The following DNAH17 variants were observed in gnomAD, a reference collection of about 807,000 sequenced individuals.
The protein encoded by DNAH17 is dynein axonemal heavy chain 17.
A neutral mutation model predicts 485.6 loss-of-function variants in DNAH17; 376 were observed. The observed-to-expected ratio is 0.77, with a 90% CI of 0.71 to 0.84. The LOEUF (loss-of-function observed/expected upper bound fraction) is 0.84, where lower values mean the gene tolerates loss of function less well. Among genes scored for constraint, DNAH17 ranks in the 40% least tolerant of loss-of-function variants. The pLI is 0.00. For synonymous variants in DNAH17, 3,031 were observed against 2,405.9 expected, an observed-to-expected ratio of 1.26 and a Z score of -7.60; for missense variants, 6,370 against 5,839.3, an observed-to-expected ratio of 1.09 and a Z score of -2.96.
chr17:78,424,268 A>G, intron 80 of DNAH17, 115 bp from the exon 81 acceptor site: 1 of 1,346,962 alleles, frequency 7.4e-7, no homozygotes, highest in Non-Finnish European at 9.9e-7. Context: ...GCTCTACCCC[A>G]AAAGGCTTCA....
intron 69 of DNAH17, 96 bp from the exon 70 acceptor site, chr17:78,445,776 C>A (rs1036686627): frequency 5.7e-6 from 8 of 1,404,818 alleles, no homozygotes; most frequent in Admixed American, 4.4e-5. Flanking sequence ...TTCACACTCC[C>A]GGCCTGCAGG....
At chr17:78,501,903 C>T (rs1384451740) in intron 33 of DNAH17, 30 bp from the exon 34 acceptor site, 6 of 1,612,498 alleles carry the variant, frequency 3.7e-6, no homozygotes, top group Non-Finnish European at 4.2e-6. Flanking sequence ...CGATGAGACA[C>T]CACGGGTGCC....
intron 68 of DNAH17, chr17:78,449,960 G>A: frequency 2.0e-6 from 1 of 489,456 alleles, no homozygotes; most frequent in Non-Finnish European, 3.7e-6. Flanking sequence ...ACAGGCATGA[G>A]CCACCATGCC....
intron 48 of DNAH17, 129 bp downstream of exon 48, chr17:78,484,739 A>ACCCCCCTGCCCCCCCCCCCCCCCCCCC: frequency 1.7e-5 from 6 of 347,794 alleles, no homozygotes; most frequent in South Asian, 1.3e-4. Flanking sequence ...ACGTTGCAGC[A>ACCCCCCTGCCCCCCCCCCCCCCCCCCC]CCCCCCCCAC....
At chr17:78,470,813 T>TG (rs1367701911) in intron 54 of DNAH17, among the ~76,000 whole-genome samples, 2 of 152,208 alleles carry the variant, frequency 1.3e-5, no homozygotes, top group African/African-American at 4.8e-5. Context: ...ATAAATATAC[T>TG]GCAGGCTTGG....
rs778379360 is a variant in DNAH17 at position 78,507,638 on chromosome 17, G to A, written c.4404C>T (p.Phe1468=). ...NLMMSKYLAH[F]LKEVTSWQQK... ...GCTGCCAGCTTGTCACCTCCTTCAG[G>A]AAGTGGGCCAGGTACTTGGACATCA... is the stretch of plus-strand genomic sequence containing the variant. Residue 1468 remains phenylalanine, a synonymous_variant, in exon 28 of 81, where the codon TTC becomes TTT. Transcript: ENST00000389840. The A allele has an allele frequency of 7.4e-6, 12 of 1,613,950 alleles. No homozygotes were observed. The highest frequency in any genetic ancestry group is 8.5e-6 in the Non-Finnish European group (10 of 1,180,028).
At position 78,423,906 on chromosome 17, in the gene DNAH17, C is replaced by G; in HGVS notation, c.13389G>C (p.Ter4463TyrextTer24). Residue 4463 changes from the stop codon to tyrosine, a stop_lost, in exon 81 of 81, where the codon TAG (stop) becomes TAC (tyrosine). Coordinates refer to ENST00000389840, the MANE Select transcript of DNAH17 (RefSeq NM_173628.4). Reference protein sequence around the residue: ...LAAVALLLQV* With the variant: ...LAAVALLLQVY ...GTGTGGGCTGTGAGGCAGGAGCGAGCTAAACCTGTAGGAGCAGCGCCACGG... is the reference window on the plus strand; with the variant it reads ...GTGTGGGCTGTGAGGCAGGAGCGAGGTAAACCTGTAGGAGCAGCGCCACGG... 6.2e-7 allele frequency: 1 copy of G among 1,613,908 alleles called. No individual in the cohort carries two copies. Among genetic ancestry groups the G allele is most frequent in the Non-Finnish European group, 8.5e-7 (1 of 1,179,860 alleles).
At chr17:78,508,100 G>A (rs1033797485) in intron 27 of DNAH17, among the ~76,000 whole-genome samples, 5 of 152,142 alleles carry the variant, frequency 3.3e-5, no homozygotes, top group East Asian at 1.9e-4. Flanking sequence ...GAAGCCACAC[G>A]CTCAGACCAC....
Position 78,459,948 on chromosome 17 carries a change from G to A in DNAH17, c.9489C>T (p.Asn3163=), listed in dbSNP as rs369935828. 159 of 1,613,556 alleles carry A rather than the reference G, an allele frequency of 9.9e-5. 1 individual carries two copies. The highest frequency in any genetic ancestry group is 1.2e-4 in the Non-Finnish European group (146 of 1,179,906). Residue 3163 remains asparagine, a synonymous_variant, in exon 60 of 81, where the codon AAC becomes AAT. Transcript: ENST00000389840. ...SFGSPPDAVV[N]VTAAVMILTA... Reference sequence around the variant, plus strand: ...TCAGAATCATGACGGCGGCGGTGACGTTGACCACAGCATCCGGCGGGGACC... The same window carrying A: ...TCAGAATCATGACGGCGGCGGTGACATTGACCACAGCATCCGGCGGGGACC...
At position 78,560,830 on chromosome 17, in the gene DNAH17, G is replaced by A. The variant is rs754837443; in HGVS notation, c.1941C>T (p.Gly647=). ...REKIYQQWVA[G]VDQDCHFNLG... ...GGTTAAAGTGGCAGTCCTGGTCCAC[G>A]CCCGCCACCCACTGCTGGTAGATCT... The change falls in exon 13 of 81, where the codon GGC becomes GGT. Residue 647 remains glycine (G), a synonymous_variant. Coordinates refer to ENST00000389840, the MANE Select transcript of DNAH17 (RefSeq NM_173628.4). The A allele has an allele frequency of 4.1e-5, 64 of 1,551,570 alleles. No individual in the cohort carries two copies. Among genetic ancestry groups the A allele is most frequent in the Middle Eastern group, 3.3e-4 (2 of 6,014 alleles).
rs780668015 is a variant in DNAH17, at chr17:78,502,702, A to C, written c.5083-4T>G. ...TCTGGGTGCAAGTCAGGGCCACCTGAAAGTACATACCCCCCATTGCCCACG... is the reference window on the plus strand; with the variant it reads ...TCTGGGTGCAAGTCAGGGCCACCTGCAAGTACATACCCCCCATTGCCCACG... On this transcript the variant is annotated splice_polypyrimidine_tract_variant and splice_region_variant and intron_variant, in intron 32 of 80. Coordinates refer to ENST00000389840, the MANE Select transcript of DNAH17 (RefSeq NM_173628.4). 1.2e-6 allele frequency: 2 copies of C among 1,610,866 alleles called. No individual in the cohort carries two copies. Among genetic ancestry groups the C allele is most frequent in the African/African-American group, 2.7e-5 (2 of 74,892 alleles).
intron 55 of DNAH17, 36 bp from the exon 56 acceptor site, chr17:78,466,852 G>A (rs563029247): frequency 6.6e-7 from 1 of 1,519,082 alleles, no homozygotes; most frequent in Non-Finnish European, 8.9e-7. Flanking sequence ...TGCCTACTGG[G>A]ACTGCAGTGC....
At chr17:78,493,103 G>C (rs1001717839) in intron 41 of DNAH17, 1 of 196,128 alleles carries the variant, frequency 5.1e-6, no homozygotes, top group Non-Finnish European at 1.1e-5. Flanking sequence ...AGCCCGCCTT[G>C]GCCTCCCAAA....
intron 25 of DNAH17, among the ~76,000 whole-genome samples, chr17:78,518,664 A>C (rs1472394482): frequency 6.6e-6 from 1 of 152,246 alleles, no homozygotes. Context: ...ATTGACACGT[A>C]TAAAACACTC....
intron 19 of DNAH17, among the ~76,000 whole-genome samples, chr17:78,536,213 G>A (rs1271887859): frequency 6.6e-6 from 1 of 152,130 alleles, no homozygotes. Context: ...GCCAAGGCGG[G>A]TGGATCACAA....
In DNAH17 at chr17:78,494,741, C is replaced by T. The variant is rs759679066; in HGVS notation, c.6122G>A (p.Arg2041Gln). 1.7e-5 allele frequency: 28 copies of T among 1,613,524 alleles called. No homozygotes were observed. The highest frequency in any genetic ancestry group is 1.5e-4 in the African/African-American group (11 of 74,924). Residue 2041 changes from arginine to glutamine, a missense_variant, in exon 40 of 81, where the codon CGG (arginine) becomes CAG (glutamine). Coordinates refer to ENST00000389840, the MANE Select transcript of DNAH17 (RefSeq NM_173628.4). Reference sequence around the variant, plus strand: ...CCGCATGAGCACCTGGTCCTCTGCCCGGCTGGGGTCGCCCCTCTTCAGGGA... The same window carrying T: ...CCGCATGAGCACCTGGTCCTCTGCCTGGCTGGGGTCGCCCCTCTTCAGGGA... ...AGSLKRGDPS[R>Q]AEDQVLMRAL...
chr17:78,547,700 C>T (rs948808974), intron 16 of DNAH17, among the ~76,000 whole-genome samples: 4 of 151,906 alleles, frequency 2.6e-5, no homozygotes, highest in Non-Finnish European at 5.9e-5. Context: ...TCACTGCAAC[C>T]TCCACCTCCC....
rs780271986 is a variant in DNAH17 at position 78,455,655 on chromosome 17, G to A, written c.10159C>T (p.His3387Tyr). ...ACTCCACTCCTTACCTTTAAGTTAT[G>A]TATGTAAGGGATCCAGAATTTCTCC... is the stretch of plus-strand genomic sequence containing the variant. ...LMEKFWIPYI[H>Y]NLKVPIPITN... The change falls in exon 63 of 81, where the codon CAT becomes TAT. Residue 3387 changes from histidine (H) to tyrosine (Y), a missense_variant. Transcript: ENST00000389840. The A allele has an allele frequency of 4.5e-6, 7 of 1,552,302 alleles. No homozygotes were observed. The highest frequency in any genetic ancestry group is 6.1e-6 in the Non-Finnish European group (7 of 1,147,606).
In DNAH17 at chr17:78,520,136, A is replaced by G. The variant is rs12453829; in HGVS notation, c.3864+4873T>C. ...CAAGAAAAAAAAAGTCAGTGTAATC[A>G]ATTATCTTAGCAGACTAAACAAAAA... On this transcript the variant is annotated intron_variant, in intron 25 of 80. Transcript: ENST00000389840. 1.6e-4 allele frequency among the ~76,000 whole-genome samples: 24 copies of G among 152,148 alleles called. No homozygotes were observed. In the East Asian group the frequency reaches 3.9e-3, roughly 24 times the overall value.
Sources: allele counts gnomAD v4.1 joint callset (sites outside exome capture counted in the v4.1 genomes callset), GRCh38; gene constraint gnomAD v4.1.1; transcripts MANE v1.5; gene names NCBI Gene and HGNC (gene_info 2026-07-23, HGNC 2026-07-21).